The following SUGCT variants were observed in gnomAD, a reference collection of about 807,000 sequenced individuals.
SUGCT encodes succinyl-CoA:glutarate CoA-transferase.
Under a neutral mutation model 55.0 loss-of-function variants are expected in SUGCT, and 41 were observed. The observed-to-expected ratio is 0.74, with a 90% CI of 0.58 to 0.97. The LOEUF is 0.97. Among genes scored for constraint, SUGCT ranks in the 50% least tolerant of loss-of-function variants. SUGCT has a pLI of 0.00. For missense variants in SUGCT, 568 were observed against 547.8 expected (o/e 1.04, Z -0.37); for synonymous variants, 187 against 200.4 (o/e 0.93, Z 0.56).
intron 13 of SUGCT, among the ~76,000 whole-genome samples, chr7:40,770,688 A>C (rs1008058192): frequency 1.3e-5 from 2 of 152,184 alleles, no homozygotes; most frequent in African/African-American, 4.8e-5. Context: ...CAGATGCCCT[A>C]TTTCTATGGA....
chr7:40,780,775 C>CTT (rs34455435), intron 13 of SUGCT, among the ~76,000 whole-genome samples: 5 of 134,810 alleles, frequency 3.7e-5, no homozygotes, highest in Non-Finnish European at 6.4e-5. Context: ...TCTTCTTCTT[C>CTT]TTTTTTTTTT....
intron 12 of SUGCT, among the ~76,000 whole-genome samples, chr7:40,726,038 A>G (rs1786595823): frequency 6.6e-6 from 1 of 152,116 alleles, no homozygotes; most frequent in Non-Finnish European, 1.5e-5. Context: ...GGCTGCCCCA[A>G]GTCGGGAAAT....
the SUGCT span, among the ~76,000 whole-genome samples, chr7:40,940,398 T>G: frequency 6.6e-6 from 1 of 152,152 alleles, no homozygotes; most frequent in Admixed American, 6.6e-5. Flanking sequence ...TTAGAATTGT[T>G]TTTTCTAATC....
chr7:40,926,381 A>G, the SUGCT span, among the ~76,000 whole-genome samples: 4 of 152,064 alleles, frequency 2.6e-5, no homozygotes, highest in African/African-American at 9.7e-5. Context: ...GAGAAATGTT[A>G]CTAGATTCAT....
chr7:40,948,220 C>A, the SUGCT span, among the ~76,000 whole-genome samples: 1 of 152,122 alleles, frequency 6.6e-6, no homozygotes, highest in Non-Finnish European at 1.5e-5. Flanking sequence ...ATAGCCATGC[C>A]ATTCCTTCTC....
chr7:40,948,731 T>TG, the SUGCT span, among the ~76,000 whole-genome samples: 1 of 152,118 alleles, frequency 6.6e-6, no homozygotes, highest in African/African-American at 2.4e-5. Flanking sequence ...TGTGTTAGTT[T>TG]GCTGAGAATG....
chr7:40,665,271 G>A (rs1040085526), intron 12 of SUGCT, among the ~76,000 whole-genome samples: 31 of 150,520 alleles, frequency 2.1e-4, no homozygotes, highest in African/African-American at 6.6e-4. Flanking sequence ...AAACCCTGTC[G>A]CTACTAAAAA....
At chr7:40,828,690 A>G (rs1003834660) in intron 13 of SUGCT, among the ~76,000 whole-genome samples, 6 of 152,266 alleles carry the variant, frequency 3.9e-5, no homozygotes, top group African/African-American at 1.4e-4. Flanking sequence ...TGTACTGTGC[A>G]TTGTTATGGA....
intron 12 of SUGCT, among the ~76,000 whole-genome samples, chr7:40,603,525 A>G (rs776327196): frequency 6.6e-6 from 1 of 152,192 alleles, no homozygotes; most frequent in Non-Finnish European, 1.5e-5. Context: ...AATGAATAAT[A>G]CTTTTATGAT....
intron 12 of SUGCT, among the ~76,000 whole-genome samples, chr7:40,601,810 A>G (rs1490152386): frequency 3.9e-5 from 6 of 152,006 alleles, no homozygotes; most frequent in Admixed American, 2.6e-4. Flanking sequence ...TACTTCTTCA[A>G]ATGTAGCCCA....
At chr7:40,660,149 A>G (rs1032099216) in intron 12 of SUGCT, among the ~76,000 whole-genome samples, 4 of 152,230 alleles carry the variant, frequency 2.6e-5, no homozygotes, top group African/African-American at 9.6e-5. Context: ...GGATTGCTCT[A>G]TATAGTCATT....
At chr7:40,571,586 A>G (rs1796452462) in intron 12 of SUGCT, among the ~76,000 whole-genome samples, 2 of 152,212 alleles carry the variant, frequency 1.3e-5, no homozygotes, top group African/African-American at 2.4e-5. Flanking sequence ...CATGTCAGCT[A>G]CAGCATTTGA....
chr7:40,810,003 C>A (rs867370228), intron 13 of SUGCT, among the ~76,000 whole-genome samples: 2 of 152,090 alleles, frequency 1.3e-5, no homozygotes, highest in African/African-American at 4.8e-5. Context: ...TGTATATATA[C>A]CACATTTTCT....
chr7:40,749,554 C>A, intron 13 of SUGCT, 57 bp downstream of exon 13: 5 of 1,351,448 alleles, frequency 3.7e-6, no homozygotes, highest in Non-Finnish European at 5.3e-6. Context: ...GTCCCATATG[C>A]TGTTTACTAC....
chr7:40,954,871 C>T, the SUGCT span, among the ~76,000 whole-genome samples: 81 of 152,260 alleles, frequency 5.3e-4, no homozygotes, highest in African/African-American at 2.0e-3. Flanking sequence ...GCAAGTTTTC[C>T]CAACACCATT....
At chr7:41,031,184 G>A in the SUGCT span, among the ~76,000 whole-genome samples, 1 of 152,062 alleles carries the variant, frequency 6.6e-6, no homozygotes, top group Non-Finnish European at 1.5e-5. Flanking sequence ...CTGGCCCATA[G>A]GATTATTTAA....
intron 12 of SUGCT, among the ~76,000 whole-genome samples, chr7:40,587,143 G>C (rs1438549361): frequency 6.6e-6 from 1 of 152,216 alleles, no homozygotes; most frequent in Non-Finnish European, 1.5e-5. Flanking sequence ...GCAGTGAAAG[G>C]CAGGGATTAA....
intron 13 of SUGCT, among the ~76,000 whole-genome samples, chr7:40,769,844 A>G (rs1789001228): frequency 6.6e-6 from 1 of 152,300 alleles, no homozygotes; most frequent in African/African-American, 2.4e-5. Context: ...TTTGATCCCT[A>G]AACAAGGTAG....
At chr7:40,475,396 G>T (rs1271625114) in intron 11 of SUGCT, among the ~76,000 whole-genome samples, 1 of 152,094 alleles carries the variant, frequency 6.6e-6, no homozygotes, top group East Asian at 1.9e-4. Context: ...TCTCCGTCTT[G>T]TTCACGAAGA....
Sources: allele counts gnomAD v4.1 joint callset (sites outside exome capture counted in the v4.1 genomes callset), GRCh38; gene constraint gnomAD v4.1.1; transcripts MANE v1.5; gene names NCBI Gene and HGNC (gene_info 2026-07-23, HGNC 2026-07-21).